CHD4: variants seen among roughly 807,000 people sequenced by gnomAD.
CHD4 encodes the protein ATP-dependent chromatin remodeler CHD4.
CHD4 carries 35 observed loss-of-function variants against 235.5 expected under a neutral mutation model. The ratio of observed to expected loss-of-function variants is 0.15; its 90% CI spans 0.11 to 0.20. The LOEUF is 0.20. CHD4 is among the 10% of genes least tolerant of loss of function. The pLI, the probability that CHD4 is intolerant of heterozygous loss-of-function variation, is 1.00. For synonymous variants in CHD4, 900 were observed against 850.2 expected (o/e 1.06, Z -1.02); for missense variants, 1,329 against 2,432.3 (o/e 0.55, Z 9.54).
intron 38 of CHD4, 39 bp downstream of exon 38, chr12:6,573,035 G>A (rs773326114): frequency 2.5e-6 from 4 of 1,572,696 alleles, no homozygotes; most frequent in East Asian, 2.3e-5. Context: ...TCAGATCAGG[G>A]AGGCCGAATC....
chr12:6,571,042 G>A lies in CHD4; in HGVS notation c.5558-10C>T. On this transcript the variant is annotated splice_polypyrimidine_tract_variant and intron_variant, in intron 38 of 39. Coordinates refer to ENST00000544040, the MANE Select transcript of CHD4 (RefSeq NM_001273.5). ...TCCAGCTGTTTCAGAACTGCATAGGGAGAAAAAGAGGTGGTGAGCTGTGGT... is the reference window on the plus strand; with the variant it reads ...TCCAGCTGTTTCAGAACTGCATAGGAAGAAAAAGAGGTGGTGAGCTGTGGT... 6.2e-7 allele frequency: 1 copy of A among 1,613,460 alleles called. No individual in the cohort carries two copies. Among genetic ancestry groups the A allele is most frequent in the Non-Finnish European group, 8.5e-7 (1 of 1,179,638 alleles).
chr12:6,594,350 G>T, intron 15 of CHD4, 109 bp downstream of exon 15: 1 of 923,202 alleles, frequency 1.1e-6, no homozygotes, highest in South Asian at 1.7e-5. Flanking sequence ...CAGTGTTCTT[G>T]AAGGTCAGAG....
In CHD4 at chr12:6,591,936, G is replaced by A; in HGVS notation, c.3070C>T (p.Leu1024Phe). 2 of 1,614,222 alleles carry A rather than the reference G, an allele frequency of 1.2e-6. No homozygotes were observed. Among genetic ancestry groups the A allele is most frequent in the East Asian group, 2.2e-5 (1 of 44,884 alleles). The change falls in exon 20 of 40, where the codon CTC becomes TTC. Residue 1024 changes from leucine (L) to phenylalanine (F), a missense_variant. Physicochemically the swap from Leu to Phe is conservative, Grantham distance 22. Coordinates refer to ENST00000544040, the MANE Select transcript of CHD4 (RefSeq NM_001273.5). Reference sequence around the variant, plus strand: ...CATACCATTGCAGCCACAGGGAAGAGGTATGGATGGTTGCAGCACTTCTTA... The same window carrying A: ...CATACCATTGCAGCCACAGGGAAGAAGTATGGATGGTTGCAGCACTTCTTA... The part of the protein sequence containing the change: ...DLKKCCNHPY[L>F]FPVAAMEAPK...
intron 37 of CHD4, chr12:6,577,580 T>C (rs1014929971): frequency 1.9e-5 from 12 of 621,902 alleles, no homozygotes; most frequent in African/African-American, 5.5e-5. Context: ...ATTGGACACA[T>C]AGTCACCTAC....
intron 17 of CHD4, 115 bp downstream of exon 17, chr12:6,592,976 A>C (rs942280271): frequency 2.4e-5 from 37 of 1,525,346 alleles, no homozygotes; most frequent in South Asian, 2.3e-4. Flanking sequence ...ACAAGGAAGG[A>C]AGGCAGAGAC....
At chr12:6,585,426 GGC>G (rs1948266898) in intron 25 of CHD4, among the ~76,000 whole-genome samples, 1 of 151,716 alleles carries the variant, frequency 6.6e-6, no homozygotes, top group Non-Finnish European at 1.5e-5. Context: ...TGGGACTACA[GGC>G]GCCCGCCACC....
At chr12:6,598,624 C>A (rs1422265770) in intron 10 of CHD4, among the ~76,000 whole-genome samples, 199 bp from the exon 11 acceptor site, 1 of 152,192 alleles carries the variant, frequency 6.6e-6, no homozygotes, top group African/African-American at 2.4e-5. Context: ...TCCTAGCTAA[C>A]ATGGTGAAAC....
At chr12:6,599,293 TG>T (rs1300258604) in intron 10 of CHD4, among the ~76,000 whole-genome samples, 1 of 151,688 alleles carries the variant, frequency 6.6e-6, no homozygotes, top group East Asian at 1.9e-4. Context: ...TTTAATTAGC[TG>T]GATGTGGTGG....
intron 10 of CHD4, among the ~76,000 whole-genome samples, 178 bp from the exon 11 acceptor site, chr12:6,598,603 G>A (rs565147793): frequency 1.3e-5 from 2 of 152,350 alleles, no homozygotes; most frequent in South Asian, 4.1e-4. Flanking sequence ...GAGGTCAAGA[G>A]ATCGAGACCA....
At chr12:6,601,843 CAG>C in intron 4 of CHD4, 77 bp from the exon 5 acceptor site, 2 of 1,560,254 alleles carry the variant, frequency 1.3e-6, no homozygotes, top group Non-Finnish European at 1.8e-6. Context: ...GTGGAAAAAT[CAG>C]AGTAACAGAG....
Position 6,601,366 on chromosome 12 carries a change from A to T in CHD4, c.722T>A (p.Val241Glu). 1 of 1,614,110 alleles carries T rather than the reference A, an allele frequency of 6.2e-7. No individual in the cohort carries two copies. The highest frequency in any genetic ancestry group is 8.5e-7 in the Non-Finnish European group (1 of 1,180,014). ...TGGTGGTGCAACCTCAGTGGCTGTC[A>T]CCATGCTCTCCACCACAGCTACCGC... The part of the protein sequence containing the change: ...AAAVAVVESM[V>E]TATEVAPPPP... Residue 241 changes from valine to glutamate, a missense_variant, in exon 6 of 40, where the codon GTG becomes GAG. Physicochemically the swap from Val to Glu is moderately radical, Grantham distance 121. Around this residue, in one of 26 missense-constraint regions of CHD4, gnomAD observed 160 missense variants for 196.6 expected, o/e 0.81. Coordinates refer to ENST00000544040, the MANE Select transcript of CHD4 (RefSeq NM_001273.5).
intron 10 of CHD4, 49 bp downstream of exon 10, chr12:6,599,724 A>G (rs765233874): frequency 2.5e-6 from 4 of 1,611,810 alleles, no homozygotes; most frequent in Admixed American, 3.3e-5. Context: ...CCTACATAGA[A>G]AAGACTACAC....
intron 2 of CHD4, among the ~76,000 whole-genome samples, chr12:6,604,284 A>G (rs1734114): frequency 0.29 from 43,667 of 151,904 alleles, 8,484 homozygotes; most frequent in African/African-American, 0.56. Flanking sequence ...AAAAATAAAA[A>G]AGAAAATAAT....
intron 12 of CHD4, among the ~76,000 whole-genome samples, chr12:6,596,935 G>T (rs1391686995): frequency 6.6e-6 from 1 of 150,958 alleles, no homozygotes; most frequent in Non-Finnish European, 1.5e-5. Flanking sequence ...CTCCAGGCTG[G>T]GCCACAGAGC....
Position 6,601,762 on chromosome 12 carries a change from G to A in CHD4, c.443C>T (p.Pro148Leu). 6.2e-7 allele frequency: 1 copy of A among 1,613,734 alleles called. No individual in the cohort carries two copies. Among genetic ancestry groups the A allele is most frequent in the Non-Finnish European group, 8.5e-7 (1 of 1,179,692 alleles). Residue 148 changes from proline to leucine, a missense_variant, in exon 5 of 40, where the codon CCT becomes CTT. This residue lies in a region of CHD4 where 39 missense variants were observed against 86.6 expected (regional missense o/e 0.45). Transcript: ENST00000544040. The part of the protein sequence containing the change: ...EEDDDDDSKE[P>L]KSSAQLLEDW... Reference sequence around the variant, plus strand: ...TTCCAGGAGCTGAGCAGATGATTTAGGCTCCTGCAGAAAGAGCAAAGTCAA... The same window carrying A: ...TTCCAGGAGCTGAGCAGATGATTTAAGCTCCTGCAGAAAGAGCAAAGTCAA...
chr12:6,590,381 T>G (rs11833796), intron 22 of CHD4, among the ~76,000 whole-genome samples: 2 of 152,068 alleles, frequency 1.3e-5, no homozygotes, highest in Non-Finnish European at 2.9e-5. Flanking sequence ...ATGTTAATTT[T>G]CTAGTTTTGA....
At position 6,578,217 on chromosome 12, in the gene CHD4, C is replaced by T. The variant is rs1346417878; in HGVS notation, c.5120-80G>A. 4 of 1,368,474 alleles carry T rather than the reference C, an allele frequency of 2.9e-6. No homozygotes were observed. The African/African-American group carries it at 5.7e-5, about 20-fold the overall frequency. 84.8% of individuals were successfully genotyped at this position (1,368,474 alleles called of 1,614,324 possible). On this transcript the variant is annotated intron_variant, in intron 35 of 39. Transcript: ENST00000544040. ...ATTGAAAAAGCTACTTATTCTTGTC[C>T]CCCACCATCCCCTACCCCTGGATCC...
intron 38 of CHD4, chr12:6,571,313 C>T (rs1947964536): frequency 5.6e-6 from 2 of 354,178 alleles, no homozygotes; most frequent in Non-Finnish European, 5.1e-6. Flanking sequence ...TCTTCTCTAC[C>T]TTCAGAATCT....
In CHD4 at chr12:6,578,494, C is replaced by G; in HGVS notation, c.5034G>C (p.Glu1678Asp). The change falls in exon 35 of 40, where the codon GAG becomes GAC. Residue 1678 changes from glutamate (E) to aspartate (D), a missense_variant. Physicochemically the swap from Glu to Asp is conservative, Grantham distance 45 (BLOSUM62 2). Around this residue, in one of 26 missense-constraint regions of CHD4, gnomAD observed 219 missense variants for 219.3 expected, o/e 1.00. Coordinates refer to ENST00000544040, the MANE Select transcript of CHD4 (RefSeq NM_001273.5). ...TCTCATCATTCAGGTCCTTGGGGGT[C>G]TCTCCATTCTGAAGCATCACCTCTT... is the stretch of plus-strand genomic sequence containing the variant. The part of the protein sequence containing the change: ...EKKEVMLQNG[E>D]TPKDLNDEKQ... The G allele has an allele frequency of 6.2e-7, 1 of 1,613,698 alleles. No homozygotes were observed. Among genetic ancestry groups the G allele is most frequent in the Non-Finnish European group, 8.5e-7 (1 of 1,179,986 alleles).
Sources: gnomAD v4.1 joint callset for allele counts (sites outside exome capture counted in the v4.1 genomes callset) on GRCh38, gnomAD v4.1.1 for gene constraint, gnomAD v4.1.1 regional missense constraint, MANE v1.5 for transcripts, NCBI Gene and HGNC (gene_info 2026-07-23, HGNC 2026-07-21) for gene names.